The following RILP variants were observed in gnomAD, a reference collection of about 807,000 sequenced individuals.
RILP encodes the protein rab-interacting lysosomal protein.
RILP carries 53 observed loss-of-function variants against 40.0 expected under a neutral mutation model. That is an observed-to-expected ratio of 1.32 (90% CI 1.06 to 1.66). The LOEUF is 1.66. RILP is among the 40% of genes most tolerant of loss of function. The probability of loss-of-function intolerance (pLI) is 0.00; values close to 1 mark genes in which losing one functional copy is unlikely to be tolerated. For synonymous variants in RILP, 272 were observed against 250.6 expected, an observed-to-expected ratio of 1.09 and a Z score of -0.80; for missense variants, 626 against 551.7, an observed-to-expected ratio of 1.13 and a Z score of -1.35.
At chr17:1,647,122 G>A (rs1171855041) in intron 6 of RILP, 133 bp from the exon 7 acceptor site, 1 of 469,266 alleles carries the variant, frequency 2.1e-6, no homozygotes, top group East Asian at 3.4e-5. Flanking sequence ...GGAGATGCAG[G>A]ATGTCGAGCC....
At position 1,648,327 on chromosome 17, in the gene RILP, C is replaced by T. The variant is rs760006989; in HGVS notation, c.821+23G>A. ...GAATGAGGTGGGGTGATCGGAGGCC[C>T]CCCGGCTTCCCAGCGTCCTCACCGC... On this transcript the variant is annotated intron_variant, in intron 5 of 7. Transcript: ENST00000301336. This position sits in a 1 kb window ranked among gnomAD's most constrained non-coding sequence, Gnocchi z 4.9. 6 of 1,609,220 alleles carry T rather than the reference C, an allele frequency of 3.7e-6. No homozygotes were observed. The South Asian group carries it at 5.5e-5, about 15-fold the overall frequency.
At position 1,649,060 on chromosome 17, in the gene RILP, A is replaced by C; in HGVS notation, c.430-16T>G. The C allele has an allele frequency of 3.3e-5, 1 of 30,168 alleles. No homozygotes were observed. The highest frequency in any genetic ancestry group is 5.4e-5 in the Non-Finnish European group (1 of 18,528). 1.9% of individuals were successfully genotyped at this position (30,168 alleles called of 1,614,324 possible). On this transcript the variant is annotated splice_polypyrimidine_tract_variant and intron_variant, in intron 3 of 7. Coordinates refer to ENST00000301336, the MANE Select transcript of RILP (RefSeq NM_031430.3). The surrounding 1 kb of genome is among the most constrained non-coding windows in gnomAD (Gnocchi z 4.3). ...GCTCCTGCAACTGGGAGCGGAGCAA[A>C]GGGTGGGGTGGGCGGGGCACCGAGG...
Position 1,648,800 on chromosome 17 carries a change from G to A in RILP, c.674C>T (p.Pro225Leu), listed in dbSNP as rs1910762469. The change falls in exon 4 of 8, where the codon CCG becomes CTG. Residue 225 changes from proline (P) to leucine (L), a missense_variant and splice_region_variant. Transcript: ENST00000301336. The surrounding 1 kb of genome is among the most constrained non-coding windows in gnomAD (Gnocchi z 4.9). ...GAGAPGNPED[P>L]AEAAQQLGRP... ...TCCTTGCCCTCATACGGCACTCACC[G>A]GGTCCTCAGGGTTCCCTGGGGCGCC... 3.3e-6 allele frequency: 5 copies of A among 1,510,262 alleles called. No homozygotes were observed. The East Asian group carries it at 1.2e-4, about 36-fold the overall frequency. 93.6% of individuals were successfully genotyped at this position (1,510,262 alleles called of 1,614,324 possible).
rs746731102 is a variant in RILP at position 1,646,924 on chromosome 17, T to C, written c.1010A>G (p.Glu337Gly). Reference sequence around the variant, plus strand: ...AACATACAAACTCTGTATTTTGGACTCCGGGGGTGGGGGATGGTCTCCCTT... The same window carrying C: ...AACATACAAACTCTGTATTTTGGACCCCGGGGGTGGGGGATGGTCTCCCTT... ...DDKGDHPPPPESKIQSFFGLW... is the reference protein window; with the variant it reads ...DDKGDHPPPPGSKIQSFFGLW... Residue 337 changes from glutamate (E) to glycine (G), a missense_variant, in exon 7 of 8, where the codon GAG becomes GGG. By Grantham distance (98) the Glu-to-Gly change is moderately conservative. Coordinates refer to ENST00000301336, the MANE Select transcript of RILP (RefSeq NM_031430.3). The surrounding 1 kb of genome is among the most constrained non-coding windows in gnomAD (Gnocchi z 4.3). 4 of 1,604,762 alleles carry C rather than the reference T, an allele frequency of 2.5e-6. No homozygotes were observed. The highest frequency in any genetic ancestry group is 3.4e-6 in the Non-Finnish European group (4 of 1,175,198).
intron 6 of RILP, among the ~76,000 whole-genome samples, chr17:1,647,562 A>G (rs1910689333): frequency 6.6e-6 from 1 of 152,172 alleles, no homozygotes; most frequent in Admixed American, 6.5e-5. Flanking sequence ...GTGGAGAGGC[A>G]GTGTTGTCAG....
Position 1,646,319 on chromosome 17 carries a change from G to A in RILP, c.*123C>T. ...GTACAGAGACGTAGAGAGGGAGGCG[G>A]GCTGAGACCCCGTCCTGCCCTGATG... On this transcript the variant is annotated 3_prime_UTR_variant, in exon 8 of 8. Coordinates refer to ENST00000301336, the MANE Select transcript of RILP (RefSeq NM_031430.3). This position sits in a 1 kb window ranked among gnomAD's most constrained non-coding sequence, Gnocchi z 4.3. 1.1e-6 allele frequency: 1 copy of A among 916,014 alleles called. No homozygotes were observed. Among genetic ancestry groups the A allele is most frequent in the Non-Finnish European group, 1.6e-6 (1 of 622,538 alleles). 56.7% of individuals were successfully genotyped at this position (916,014 alleles called of 1,614,324 possible). A position where few individuals can be genotyped will look rare whatever the true frequency, so the allele number is the denominator to read the frequency against.
In RILP at chr17:1,649,001, A is replaced by T. The variant is rs776713073; in HGVS notation, c.473T>A (p.Leu158Gln). ...CTGCATGGCCGCCAGCTTGTGCCGC[A>T]GCTCAGCGTTCACCAGCAGGAGGCG... ...LQRLLLVNAE[L>Q]RHKLAAMQTQ... Residue 158 changes from leucine (L) to glutamine (Q), a missense_variant, in exon 4 of 8, where the codon CTG becomes CAG. Physicochemically the swap from Leu to Gln is moderately radical, Grantham distance 113. Transcript: ENST00000301336. The surrounding 1 kb of genome is among the most constrained non-coding windows in gnomAD (Gnocchi z 4.3). The T allele has an allele frequency of 7.9e-6, 10 of 1,272,198 alleles. No homozygotes were observed. Among genetic ancestry groups the T allele is most frequent in the South Asian group, 6.8e-5 (5 of 73,668 alleles). The allele number at this position is 1,272,198 out of a possible 1,614,324, so 78.8% of individuals were successfully genotyped here. A position where few individuals can be genotyped will look rare whatever the true frequency, so the allele number is the denominator to read the frequency against.
In RILP at chr17:1,649,200, C is replaced by T. The variant is rs746461461; in HGVS notation, c.429G>A (p.Ala143=). Residue 143 remains alanine (A), a splice_region_variant and synonymous_variant, in exon 3 of 8, where the codon GCG becomes GCA. Coordinates refer to ENST00000301336, the MANE Select transcript of RILP (RefSeq NM_031430.3). The surrounding 1 kb of genome is among the most constrained non-coding windows in gnomAD (Gnocchi z 4.3). ...DLRQRGQETE[A]LQEQLQRLLL... is the part of the protein sequence containing the mutation. Reference sequence around the variant, plus strand: ...CCCCAGAGCCCCGCCCCGCCCTCACCGCCTCGGTCTCCTGGCCGCGCTGCC... The same window carrying T: ...CCCCAGAGCCCCGCCCCGCCCTCACTGCCTCGGTCTCCTGGCCGCGCTGCC... 8.1e-6 allele frequency: 12 copies of T among 1,474,156 alleles called. No individual in the cohort carries two copies. The highest frequency in any genetic ancestry group is 1.5e-5 in the African/African-American group (1 of 67,952). 91.3% of individuals were successfully genotyped at this position (1,474,156 alleles called of 1,614,324 possible).
rs577142411 is a variant in RILP, at chr17:1,648,049, G to A, written c.822-92C>T. On this transcript the variant is annotated intron_variant, in intron 5 of 7. Transcript: ENST00000301336. The surrounding 1 kb of genome is among the most constrained non-coding windows in gnomAD (Gnocchi z 4.9). ...GATGCCAGCCGCAGTCCTCACTCCT[G>A]GTACCTGTGCACGCAGCTCTTCCCT... The A allele has an allele frequency of 3.3e-6, 5 of 1,513,248 alleles. No individual in the cohort carries two copies. The Admixed American group carries it at 7.3e-5, about 22-fold the overall frequency. 93.7% of individuals were successfully genotyped at this position (1,513,248 alleles called of 1,614,324 possible).
At chr17:1,647,775 C>T in intron 6 of RILP, 60 bp downstream of exon 6, 1 of 1,605,782 alleles carries the variant, frequency 6.2e-7, no homozygotes, top group Non-Finnish European at 8.5e-7. Flanking sequence ...GCTGGGTCAT[C>T]AGGCTCAGCA....
chr17:1,649,339 C>G lies in RILP; in HGVS notation c.323-33G>C, dbSNP rs376228200. The stretch of plus-strand genomic sequence containing the variant: ...AGGGGCGTTCTTAGCGGCGGCGGCG[C>G]GCGGCCCGCGGGAGGGAGGGGAGGA... On this transcript the variant is annotated intron_variant, in intron 2 of 7. Coordinates refer to ENST00000301336, the MANE Select transcript of RILP (RefSeq NM_031430.3). The surrounding 1 kb of genome is among the most constrained non-coding windows in gnomAD (Gnocchi z 4.3). 3,673 of 1,487,452 alleles carry G rather than the reference C, an allele frequency of 2.5e-3. 68 individuals are homozygous for G. In the African/African-American group the frequency reaches 0.046, roughly 19 times the overall value. 92.1% of individuals were successfully genotyped at this position (1,487,452 alleles called of 1,614,324 possible).
chr17:1,648,804 C>T lies in RILP; in HGVS notation c.670G>A (p.Asp224Asn), dbSNP rs916339896. The part of the protein sequence containing the change: ...AGAGAPGNPE[D>N]PAEAAQQLGR... ...TGCCCTCATACGGCACTCACCGGGT[C>T]CTCAGGGTTCCCTGGGGCGCCTGCG... Residue 224 changes from aspartate (D) to asparagine (N), a missense_variant, in exon 4 of 8, where the codon GAC becomes AAC. Coordinates refer to ENST00000301336, the MANE Select transcript of RILP (RefSeq NM_031430.3). The surrounding 1 kb of genome is among the most constrained non-coding windows in gnomAD (Gnocchi z 4.9). 5.3e-6 allele frequency: 8 copies of T among 1,516,466 alleles called. No homozygotes were observed. The highest frequency in any genetic ancestry group is 7.0e-6 in the Non-Finnish European group (8 of 1,143,302). 93.9% of individuals were successfully genotyped at this position (1,516,466 alleles called of 1,614,324 possible).
At position 1,648,003 on chromosome 17, in the gene RILP, C is replaced by A; in HGVS notation, c.822-46G>T. On this transcript the variant is annotated intron_variant, in intron 5 of 7. Coordinates refer to ENST00000301336, the MANE Select transcript of RILP (RefSeq NM_031430.3). This position sits in a 1 kb window ranked among gnomAD's most constrained non-coding sequence, Gnocchi z 4.9. ...GGGAGAAAGCCCTGGTGATGCCAGC[C>A]ATGGGGATGCCAGCAGTGGAGATGC... 6.2e-7 allele frequency: 1 copy of A among 1,608,682 alleles called. No homozygotes were observed. Among genetic ancestry groups the A allele is most frequent in the Non-Finnish European group, 8.5e-7 (1 of 1,178,784 alleles).
Position 1,648,470 on chromosome 17 carries a change from C to T in RILP, c.701G>A (p.Arg234His). 1 of 1,613,676 alleles carries T rather than the reference C, an allele frequency of 6.2e-7. No individual in the cohort carries two copies. Among genetic ancestry groups the T allele is most frequent in the Non-Finnish European group, 8.5e-7 (1 of 1,179,998 alleles). Residue 234 changes from arginine to histidine, a missense_variant, in exon 5 of 8, where the codon CGC becomes CAC. Coordinates refer to ENST00000301336, the MANE Select transcript of RILP (RefSeq NM_031430.3). The surrounding 1 kb of genome is among the most constrained non-coding windows in gnomAD (Gnocchi z 4.9). The stretch of plus-strand genomic sequence containing the variant: ...GCGGCACTGCCCTGCCTCCGAGGGG[C>T]GCCCGAGCTGCTGCGCGGCCTCCGC... ...DPAEAAQQLG[R>H]PSEAGQCRFS...
At position 1,648,611 on chromosome 17, in the gene RILP, C is replaced by A; in HGVS notation, c.676-116G>T. On this transcript the variant is annotated intron_variant, in intron 4 of 7. Transcript: ENST00000301336. This position sits in a 1 kb window ranked among gnomAD's most constrained non-coding sequence, Gnocchi z 4.9. ...CCGGGAGACTTGGGGGACAAGGGTG[C>A]CCTAACAGATAACAGAGCAGTGCTC... The A allele has an allele frequency of 2.1e-6, 3 of 1,460,868 alleles. No homozygotes were observed. The highest frequency in any genetic ancestry group is 2.4e-4 in the Middle Eastern group (1 of 4,086). 90.5% of individuals were successfully genotyped at this position (1,460,868 alleles called of 1,614,324 possible). A position where few individuals can be genotyped will look rare whatever the true frequency, so the allele number is the denominator to read the frequency against.
chr17:1,648,403 A>G lies in RILP; in HGVS notation c.768T>C (p.Asn256=), dbSNP rs1053725952. 1.9e-6 allele frequency: 3 copies of G among 1,613,986 alleles called. No individual in the cohort carries two copies. Among genetic ancestry groups the G allele is most frequent in the Non-Finnish European group, 2.5e-6 (3 of 1,180,016 alleles). ...EEFEQILQER[N]ELKAKVFLLK... ...GCAGGAACACTTTGGCTTTGAGTTC[A>G]TTCCGCTCCTGAAGGATCTGCTCAA... The change falls in exon 5 of 8, where the codon AAT becomes AAC. Residue 256 remains asparagine (N), a synonymous_variant. Transcript: ENST00000301336. The surrounding 1 kb of genome is among the most constrained non-coding windows in gnomAD (Gnocchi z 4.9).
rs1260257940 is a variant in RILP, at chr17:1,649,694, A to C, written c.111T>G (p.Thr37=). 1 of 1,591,938 alleles carries C rather than the reference A, an allele frequency of 6.3e-7. No individual in the cohort carries two copies. Among genetic ancestry groups the C allele is most frequent in the South Asian group, 1.1e-5 (1 of 90,170 alleles). ...LVYHLAGALG[T]ELQDLARRFG... is the part of the protein sequence containing the mutation. ...AACGGCGCGCCAGATCCTGCAGCTC[A>C]GTGCCCAGGGCCCCGGCTAGATGGT... is the stretch of plus-strand genomic sequence containing the variant. Residue 37 remains threonine (T), a synonymous_variant, in exon 1 of 8, where the codon ACT becomes ACG. Transcript: ENST00000301336. The surrounding 1 kb of genome is among the most constrained non-coding windows in gnomAD (Gnocchi z 4.3).
At position 1,648,913 on chromosome 17, in the gene RILP, A is replaced by C. The variant is rs562723318; in HGVS notation, c.561T>G (p.Thr187=). Residue 187 remains threonine (T), a synonymous_variant, in exon 4 of 8, where the codon ACT becomes ACG. Transcript: ENST00000301336. This position sits in a 1 kb window ranked among gnomAD's most constrained non-coding sequence, Gnocchi z 4.9. ...RERQQPGEAA[T]PQAKERARGQ... is the part of the protein sequence containing the mutation. ...CCCGCGCTCGCTCTTTAGCCTGCGG[A>C]GTCGCGGCTTCGCCAGGCTGCTGGC... 2 of 1,522,802 alleles carry C rather than the reference A, an allele frequency of 1.3e-6. No individual in the cohort carries two copies. The highest frequency in any genetic ancestry group is 8.8e-7 in the Non-Finnish European group (1 of 1,142,068). The allele number at this position is 1,522,802 out of a possible 1,614,324, so 94.3% of individuals were successfully genotyped here. A position where few individuals can be genotyped will look rare whatever the true frequency, so the allele number is the denominator to read the frequency against.
rs1910720477 is a variant in RILP, at chr17:1,648,109, C to G, written c.822-152G>C. 8.2e-7 allele frequency: 1 copy of G among 1,226,068 alleles called. No homozygotes were observed. Among genetic ancestry groups the G allele is most frequent in the Admixed American group, 2.4e-5 (1 of 42,098 alleles). The allele number at this position is 1,226,068 out of a possible 1,614,324, so 75.9% of individuals were successfully genotyped here. A position where few individuals can be genotyped will look rare whatever the true frequency, so the allele number is the denominator to read the frequency against. On this transcript the variant is annotated intron_variant, in intron 5 of 7. Coordinates refer to ENST00000301336, the MANE Select transcript of RILP (RefSeq NM_031430.3). The surrounding 1 kb of genome is among the most constrained non-coding windows in gnomAD (Gnocchi z 4.9). ...AAGCGCTCTGCCTTGCTGACACCCTCAGACCTTAAATTAGGTGGCCCCGTG... is the reference window on the plus strand; with the variant it reads ...AAGCGCTCTGCCTTGCTGACACCCTGAGACCTTAAATTAGGTGGCCCCGTG...
Sources: gnomAD v4.1 joint callset for allele counts (sites outside exome capture counted in the v4.1 genomes callset) on GRCh38, gnomAD v4.1.1 for gene constraint, Gnocchi (gnomAD v3.1) non-coding constraint, MANE v1.5 for transcripts, NCBI Gene and HGNC (gene_info 2026-07-23, HGNC 2026-07-21) for gene names.